LAMTOR2: variants seen among roughly 807,000 people sequenced by gnomAD.
The protein encoded by LAMTOR2 is ragulator complex protein LAMTOR2.
Under a neutral mutation model 15.8 loss-of-function variants are expected in LAMTOR2, and 4 were observed. The ratio of observed to expected loss-of-function variants is 0.25; its 90% CI spans 0.12 to 0.58. LAMTOR2 has a LOEUF of 0.58. LAMTOR2 is among the 20% of genes least tolerant of loss of function. The pLI, the probability that LAMTOR2 is intolerant of heterozygous loss-of-function variation, is 0.91. For missense variants in LAMTOR2, 100 were observed against 161.0 expected (o/e 0.62, Z 2.05); for synonymous variants, 62 against 64.1 (o/e 0.97, Z 0.15).
At position 156,058,018 on chromosome 1, in the gene LAMTOR2, T is replaced by C; in HGVS notation, c.272T>C (p.Leu91Pro). 1 of 1,614,092 alleles carries C rather than the reference T, an allele frequency of 6.2e-7. No individual in the cohort carries two copies. Among genetic ancestry groups the C allele is most frequent in the Non-Finnish European group, 8.5e-7 (1 of 1,180,006 alleles). ...VAITRVANLLLCMYAKETVGF... is the reference protein window; with the variant it reads ...VAITRVANLLPCMYAKETVGF... ...ATCACCCGAGTGGCCAACCTTCTGC[T>C]GTGTATGTATGCCAAGGAGACCGTG... Residue 91 changes from leucine (L) to proline (P), a missense_variant, in exon 3 of 4, where the codon CTG (leucine) becomes CCG (proline). Transcript: ENST00000368305.
Position 156,054,916 on chromosome 1 carries a change from G to C in LAMTOR2, c.27G>C (p.Gln9His), listed in dbSNP as rs775103008. Reference sequence around the variant, plus strand: ...TGCTGCGCCCCAAGGCTTTGACCCAGGTGCTAAGCCAAGCCAACACTGGAG... The same window carrying C: ...TGCTGCGCCCCAAGGCTTTGACCCACGTGCTAAGCCAAGCCAACACTGGAG... MLRPKALT[Q>H]VLSQANTGGV... Residue 9 changes from glutamine (Q) to histidine (H), a missense_variant, in exon 1 of 4, where the codon CAG (glutamine) becomes CAC (histidine). Coordinates refer to ENST00000368305, the MANE Select transcript of LAMTOR2 (RefSeq NM_014017.4). The C allele has an allele frequency of 6.2e-7, 1 of 1,613,056 alleles. No homozygotes were observed. The highest frequency in any genetic ancestry group is 1.7e-5 in the Admixed American group (1 of 60,022).
intron 2 of LAMTOR2, chr1:156,056,119 C>G (rs1181054247): frequency 6.5e-6 from 1 of 153,038 alleles, no homozygotes; most frequent in Non-Finnish European, 1.5e-5. Flanking sequence ...TCCTCCTGCC[C>G]CAGCCTCCTG....
intron 2 of LAMTOR2, among the ~76,000 whole-genome samples, chr1:156,056,682 AACTT>A (rs1268211569): frequency 1.3e-5 from 2 of 152,104 alleles, no homozygotes; most frequent in African/African-American, 2.4e-5. Flanking sequence ...AAGTTTGCTG[AACTT>A]ACTTTTGTTT....
chr1:156,055,758 G>A lies in LAMTOR2; in HGVS notation c.231+333G>A, dbSNP rs1647344930. ...TTTCCCTCTCCCCGCTCCCCTCATG[G>A]GTTGTTGTGAAGGTCAGATGAAATA... On this transcript the variant is annotated intron_variant, in intron 2 of 3. Coordinates refer to ENST00000368305, the MANE Select transcript of LAMTOR2 (RefSeq NM_014017.4). The surrounding 1 kb of genome is among the most constrained non-coding windows in gnomAD (Gnocchi z 4.8). The A allele has an allele frequency of 2.6e-6, 1 of 378,548 alleles. No homozygotes were observed. The highest frequency in any genetic ancestry group is 3.7e-5 in the Admixed American group (1 of 27,214). The allele number at this position is 378,548 out of a possible 1,614,324, so 23.4% of individuals were successfully genotyped here.
At chr1:156,057,898 G>A (rs767869348) in intron 2 of LAMTOR2, 80 bp from the exon 3 acceptor site, 13 of 1,320,360 alleles carry the variant, frequency 9.8e-6, no homozygotes, top group African/African-American at 7.2e-5. Context: ...AGTCTCTCTG[G>A]GGCCAGAGAA....
chr1:156,054,859 G>T lies in LAMTOR2; in HGVS notation c.-31G>T. 1 of 1,610,352 alleles carries T rather than the reference G, an allele frequency of 6.2e-7. No individual in the cohort carries two copies. The highest frequency in any genetic ancestry group is 1.3e-5 in the African/African-American group (1 of 74,984). On this transcript the variant is annotated 5_prime_UTR_variant, in exon 1 of 4. Coordinates refer to ENST00000368305, the MANE Select transcript of LAMTOR2 (RefSeq NM_014017.4). Reference sequence around the variant, plus strand: ...CGCGGGAGGCACCTCGGAGATCTGGGTGCAAAAGCCCAGGGTTAGGAACCG... The same window carrying T: ...CGCGGGAGGCACCTCGGAGATCTGGTTGCAAAAGCCCAGGGTTAGGAACCG...
At chr1:156,058,096 C>G (rs756181701) in intron 3 of LAMTOR2, 29 bp downstream of exon 3, 2 of 1,604,422 alleles carry the variant, frequency 1.2e-6, no homozygotes, top group South Asian at 1.1e-5. Flanking sequence ...CTCCATAGCC[C>G]TGGGCCCAGC....
In LAMTOR2 at chr1:156,055,269, G is replaced by A. The variant is rs752983593; in HGVS notation, c.75G>A (p.Leu25=). The A allele has an allele frequency of 7.4e-6, 12 of 1,613,988 alleles. 1 individual carries two copies. Among genetic ancestry groups the A allele is most frequent in the Middle Eastern group, 1.7e-4 (1 of 6,058 alleles). Residue 25 remains leucine, a synonymous_variant, in exon 2 of 4, where the codon CTG becomes CTA. Coordinates refer to ENST00000368305, the MANE Select transcript of LAMTOR2 (RefSeq NM_014017.4). This position sits in a 1 kb window ranked among gnomAD's most constrained non-coding sequence, Gnocchi z 4.8. ...CCTCCCCGCCCCTCACCAGGCTGCT[G>A]AATAACGAGGGATCACTGCTGGCCT... The part of the protein sequence containing the change: ...NTGGVQSTLL[L]NNEGSLLAYS...
chr1:156,054,782 A>G lies in LAMTOR2; in HGVS notation c.-108A>G. On this transcript the variant is annotated 5_prime_UTR_variant, in exon 1 of 4. Transcript: ENST00000368305. ...GCCAGGCGAAGAAACTACAACTCCCAGGGCGTCCCGGAGCAGGCCAACGGG... is the reference window on the plus strand; with the variant it reads ...GCCAGGCGAAGAAACTACAACTCCCGGGGCGTCCCGGAGCAGGCCAACGGG... The G allele has an allele frequency of 9.1e-6, 10 of 1,094,334 alleles. No homozygotes were observed. The South Asian group carries it at 1.2e-4, about 13-fold the overall frequency. 67.8% of individuals were successfully genotyped at this position (1,094,334 alleles called of 1,614,324 possible).
At position 156,058,372 on chromosome 1, in the gene LAMTOR2, C is replaced by T. The variant is rs778802781; in HGVS notation, c.*1C>T. ...CCTCACCCAAGTGGCGGCATCTTAA[C>T]GGCATTGGTGGAAGCTGGGGTCAGA... On this transcript the variant is annotated 3_prime_UTR_variant, in exon 4 of 4. Coordinates refer to ENST00000368305, the MANE Select transcript of LAMTOR2 (RefSeq NM_014017.4). 1.5e-5 allele frequency: 25 copies of T among 1,613,916 alleles called. No homozygotes were observed. The highest frequency in any genetic ancestry group is 1.6e-4 in the Middle Eastern group (1 of 6,082).
intron 2 of LAMTOR2, among the ~76,000 whole-genome samples, chr1:156,056,384 A>G (rs1434927728): frequency 6.6e-6 from 1 of 152,216 alleles, no homozygotes; most frequent in Non-Finnish European, 1.5e-5. Flanking sequence ...GTGAAAGAGT[A>G]TGAGTTTGTT....
rs918097705 is a variant in LAMTOR2 at position 156,057,871 on chromosome 1, G to C, written c.232-107G>C. 1.0e-5 allele frequency: 11 copies of C among 1,050,874 alleles called. No homozygotes were observed. In the Admixed American group the frequency reaches 2.0e-4, roughly 19 times the overall value. 65.1% of individuals were successfully genotyped at this position (1,050,874 alleles called of 1,614,324 possible). A position where few individuals can be genotyped will look rare whatever the true frequency, so the allele number is the denominator to read the frequency against. ...CGCTGAACTTCCTGCTGTGCCCAGG[G>C]CATGGGAGGAAGATATAGTCTCTCT... On this transcript the variant is annotated intron_variant, in intron 2 of 3. Coordinates refer to ENST00000368305, the MANE Select transcript of LAMTOR2 (RefSeq NM_014017.4).
intron 2 of LAMTOR2, among the ~76,000 whole-genome samples, chr1:156,057,345 A>T (rs914233249): frequency 1.3e-5 from 2 of 152,056 alleles, no homozygotes; most frequent in African/African-American, 4.8e-5. Context: ...AAATTTTAAT[A>T]AATAAATAAA....
In LAMTOR2 at chr1:156,058,424, G is replaced by A. The variant is rs749542449; in HGVS notation, c.*53G>A. The A allele has an allele frequency of 1.9e-5, 30 of 1,590,748 alleles. No individual in the cohort carries two copies. In the East Asian group the frequency reaches 2.0e-4, roughly 11 times the overall value. On this transcript the variant is annotated 3_prime_UTR_variant, in exon 4 of 4. Coordinates refer to ENST00000368305, the MANE Select transcript of LAMTOR2 (RefSeq NM_014017.4). Reference sequence around the variant, plus strand: ...AAGAGAAATGACCATTTGGAGGGGCGGGGCCTCCTAGAAGAACCTTCTTAG... The same window carrying A: ...AAGAGAAATGACCATTTGGAGGGGCAGGGCCTCCTAGAAGAACCTTCTTAG...
Position 156,055,127 on chromosome 1 carries a change from G to A in LAMTOR2, c.69-136G>A. On this transcript the variant is annotated intron_variant, in intron 1 of 3. Coordinates refer to ENST00000368305, the MANE Select transcript of LAMTOR2 (RefSeq NM_014017.4). This position sits in a 1 kb window ranked among gnomAD's most constrained non-coding sequence, Gnocchi z 4.8. The stretch of plus-strand genomic sequence containing the variant: ...GTCGAAAAGGGAAGCCGGTGTGCTG[G>A]GTGCTTAGGGCATGTTCCGGGACAC... 7 of 1,394,620 alleles carry A rather than the reference G, an allele frequency of 5.0e-6. No homozygotes were observed. Among genetic ancestry groups the A allele is most frequent in the Non-Finnish European group, 7.1e-6 (7 of 990,578 alleles). 86.4% of individuals were successfully genotyped at this position (1,394,620 alleles called of 1,614,324 possible). A position where few individuals can be genotyped will look rare whatever the true frequency, so the allele number is the denominator to read the frequency against.
intron 3 of LAMTOR2, 98 bp downstream of exon 3, chr1:156,058,165 T>C (rs1647434980): frequency 5.3e-6 from 8 of 1,496,562 alleles, no homozygotes; most frequent in Non-Finnish European, 7.5e-6. Context: ...AGTTCTCATG[T>C]CTACTCAGTC....
chr1:156,057,906 G>T, intron 2 of LAMTOR2, 72 bp from the exon 3 acceptor site: 1 of 1,401,710 alleles, frequency 7.1e-7, no homozygotes, highest in Non-Finnish European at 1.0e-6. Context: ...TGGGGCCAGA[G>T]AAGCCTTTGG....
chr1:156,055,662 T>C lies in LAMTOR2; in HGVS notation c.231+237T>C, dbSNP rs1647341464. 1 of 564,448 alleles carries C rather than the reference T, an allele frequency of 1.8e-6. No individual in the cohort carries two copies. The allele number at this position is 564,448 out of a possible 1,614,324, so 35.0% of individuals were successfully genotyped here. ...CTGGTCTCAGCCATCCACTTATCAG[T>C]TGTGGAACCTTGGGTAAGTCGCTTA... On this transcript the variant is annotated intron_variant, in intron 2 of 3. Coordinates refer to ENST00000368305, the MANE Select transcript of LAMTOR2 (RefSeq NM_014017.4). The surrounding 1 kb of genome is among the most constrained non-coding windows in gnomAD (Gnocchi z 4.8).
Position 156,055,320 on chromosome 1 carries a change from C to G in LAMTOR2, c.126C>G (p.Ala42=), listed in dbSNP as rs201261571. ...LAYSGYGDTD[A]RVTAAIASNI... is the part of the protein sequence containing the mutation. ...ACTCTGGTTACGGGGACACTGACGC[C>G]CGGGTCACCGCTGCCATAGCCAGTA... Residue 42 remains alanine, a synonymous_variant, in exon 2 of 4, where the codon GCC becomes GCG. Transcript: ENST00000368305. The surrounding 1 kb of genome is among the most constrained non-coding windows in gnomAD (Gnocchi z 4.8). 1 of 1,614,200 alleles carries G rather than the reference C, an allele frequency of 6.2e-7. No homozygotes were observed. Among genetic ancestry groups the G allele is most frequent in the African/African-American group, 1.3e-5 (1 of 75,058 alleles).
Sources: gnomAD v4.1 joint callset for allele counts (sites outside exome capture counted in the v4.1 genomes callset) on GRCh38, gnomAD v4.1.1 for gene constraint, Gnocchi (gnomAD v3.1) non-coding constraint, MANE v1.5 for transcripts, NCBI Gene and HGNC (gene_info 2026-07-23, HGNC 2026-07-21) for gene names.